Variants in DEPDC5 observed in about 807,000 individuals in gnomAD.
DEPDC5 encodes DEP domain containing 5, GATOR1 subcomplex subunit.
DEPDC5 carries 73 observed loss-of-function variants against 217.3 expected under a neutral mutation model. That is an observed-to-expected ratio of 0.34 (90% CI 0.28 to 0.41). The LOEUF is 0.41. DEPDC5 is among the 10% of genes least tolerant of loss of function. DEPDC5 has a pLI of 1.00. For missense variants in DEPDC5, 1,675 were observed against 2,070.1 expected, an observed-to-expected ratio of 0.81 and a Z score of 3.70; for synonymous variants, 733 against 756.7, an observed-to-expected ratio of 0.97 and a Z score of 0.51.
intron 7 of DEPDC5, among the ~76,000 whole-genome samples, chr22:31,773,384 G>A (rs1354246336): frequency 6.6e-6 from 1 of 151,970 alleles, no homozygotes; most frequent in Non-Finnish European, 1.5e-5. Context: ...TTTCATTATG[G>A]TAGAGACAGG....
chr22:31,821,521 C>G lies in DEPDC5; in HGVS notation c.1890C>G (p.Ile630Met), dbSNP rs2089695727. 6.2e-7 allele frequency: 1 copy of G among 1,614,196 alleles called. No homozygotes were observed. Residue 630 changes from isoleucine to methionine, a missense_variant, in exon 23 of 43, where the codon ATC becomes ATG. Transcript: ENST00000651528. ...GGGTAGGGCCATCCGGAGAAGCCAT[C>G]CAGATCCACCACCAGACCCGACAGA... ...TFPVGPSGEA[I>M]QIHHQTRQNM...
At chr22:31,803,084 T>A (rs182766025) in intron 15 of DEPDC5, among the ~76,000 whole-genome samples, 27 of 152,280 alleles carry the variant, frequency 1.8e-4, no homozygotes, top group Non-Finnish European at 5.9e-5. Context: ...TTTTAATATG[T>A]TAGTGTAGGT....
chr22:31,799,099 A>C (rs906524332), intron 14 of DEPDC5, among the ~76,000 whole-genome samples: 1 of 147,816 alleles, frequency 6.8e-6, no homozygotes, highest in Admixed American at 6.9e-5. Context: ...GCTGGAGTGC[A>C]GTGATGCGAT....
rs775930725 is a variant in DEPDC5, at chr22:31,873,248, G to A, written c.3486-7G>A. ...TTGCTTTGCTGACCTGACACCCTGT[G>A]TTACAGCTCTCAGCAGCTGGTGGCA... On this transcript the variant is annotated splice_region_variant and splice_polypyrimidine_tract_variant and intron_variant, in intron 34 of 42. Transcript: ENST00000651528. 6.2e-7 allele frequency: 1 copy of A among 1,613,994 alleles called. No individual in the cohort carries two copies. The highest frequency in any genetic ancestry group is 1.7e-5 in the Admixed American group (1 of 60,014).
chr22:31,843,377 C>T lies in DEPDC5; in HGVS notation c.2633+165C>T, dbSNP rs16989544. Among the ~76,000 whole-genome samples, 5,466 of 152,150 alleles carry T rather than the reference C, an allele frequency of 0.036. 156 individuals are homozygous for T. Among genetic ancestry groups the T allele is most frequent in the African/African-American group, 0.08 (3,323 of 41,506 alleles). On this transcript the variant is annotated intron_variant, in intron 28 of 42. Coordinates refer to ENST00000651528, the MANE Select transcript of DEPDC5 (RefSeq NM_001242896.3). ...GGGTTATTTTAGGGTTATAGCTTAC[C>T]TACTTCCAAAAGGGATTTGATTCAT...
rs1185538370 is a variant in DEPDC5, at chr22:31,819,083, C to T, written c.1728C>T (p.His576=). Residue 576 remains histidine (H), a synonymous_variant, in exon 22 of 43, where the codon CAC becomes CAT. Coordinates refer to ENST00000651528, the MANE Select transcript of DEPDC5 (RefSeq NM_001242896.3). The stretch of plus-strand genomic sequence containing the variant: ...ACTCCAGTGCACCAGGGAGGTTTCA[C>T]GTTGGCAGTGCAGAATCCATGCTGC... ...QRDSSAPGRF[H]VGSAESMLHV... The T allele has an allele frequency of 3.7e-6, 6 of 1,614,172 alleles. No individual in the cohort carries two copies. The highest frequency in any genetic ancestry group is 4.5e-5 in the East Asian group (2 of 44,886).
chr22:31,819,270 G>GT, intron 22 of DEPDC5, 45 bp downstream of exon 22: 1 of 1,604,444 alleles, frequency 6.2e-7, no homozygotes, highest in Non-Finnish European at 8.5e-7. Flanking sequence ...GGAGCTCCTA[G>GT]CCCTGGTCCT....
intron 8 of DEPDC5, among the ~76,000 whole-genome samples, chr22:31,778,438 A>G (rs1353753825): frequency 2.0e-5 from 3 of 152,094 alleles, no homozygotes; most frequent in East Asian, 1.9e-4. Context: ...GCAGTGGGTC[A>G]TGATTGCATC....
rs1263986332 is a variant in DEPDC5 at position 31,893,768 on chromosome 22, A to G, written c.4203+17A>G. 3 of 1,582,270 alleles carry G rather than the reference A, an allele frequency of 1.9e-6. No homozygotes were observed. The highest frequency in any genetic ancestry group is 2.6e-6 in the Non-Finnish European group (3 of 1,165,692). On this transcript the variant is annotated intron_variant, in intron 39 of 42. Transcript: ENST00000651528. ...TTCGAGATGGTGAGAACCTTCATGC[A>G]TGTTGTCAGGCCTTTGGCTCACCTC...
chr22:31,760,228 C>T (rs551646829), intron 3 of DEPDC5, among the ~76,000 whole-genome samples: 134 of 152,060 alleles, frequency 8.8e-4, no homozygotes, highest in Middle Eastern at 3.4e-3. Context: ...CCACTATGCC[C>T]GGCTAATTTT....
intron 41 of DEPDC5, among the ~76,000 whole-genome samples, chr22:31,905,452 T>A (rs2093739242): frequency 6.6e-6 from 1 of 151,702 alleles, no homozygotes; most frequent in African/African-American, 2.4e-5. Context: ...CACTCCAGTC[T>A]GGGCAACAGT....
At chr22:31,807,106 A>G (rs1209258707) in intron 18 of DEPDC5, among the ~76,000 whole-genome samples, 1 of 152,180 alleles carries the variant, frequency 6.6e-6, no homozygotes, top group Non-Finnish European at 1.5e-5. Flanking sequence ...TATATTAATA[A>G]TTATATCACA....
intron 24 of DEPDC5, among the ~76,000 whole-genome samples, chr22:31,825,443 T>C (rs2090065401): frequency 6.6e-6 from 1 of 152,206 alleles, no homozygotes; most frequent in South Asian, 2.1e-4. Flanking sequence ...AAGCTCTGGC[T>C]CAGCCTTCTC....
intron 24 of DEPDC5, among the ~76,000 whole-genome samples, chr22:31,832,026 G>A (rs1298059198): frequency 2.0e-5 from 3 of 152,214 alleles, no homozygotes; most frequent in Non-Finnish European, 4.4e-5. Flanking sequence ...CATACAGTAT[G>A]TAATTTTTTG....
At chr22:31,831,703 C>T (rs932229169) in intron 24 of DEPDC5, among the ~76,000 whole-genome samples, 1 of 152,172 alleles carries the variant, frequency 6.6e-6, no homozygotes, top group African/African-American at 2.4e-5. Context: ...TTCAGTGATC[C>T]CCCCGCCTCG....
At chr22:31,887,688 G>A (rs756535259) in intron 38 of DEPDC5, among the ~76,000 whole-genome samples, 3 of 152,060 alleles carry the variant, frequency 2.0e-5, no homozygotes, top group African/African-American at 2.4e-5. Flanking sequence ...TTGCCCATCC[G>A]TCTTCCCAAA....
chr22:31,843,338 T>A, intron 28 of DEPDC5, 126 bp downstream of exon 28: 1 of 1,036,322 alleles, frequency 9.6e-7, no homozygotes, highest in Non-Finnish European at 1.4e-6. Flanking sequence ...TGGAGTTTTG[T>A]TTGTTTGTTT....
At chr22:31,777,406 G>A (rs142069106) in intron 7 of DEPDC5, among the ~76,000 whole-genome samples, 3,805 of 150,476 alleles carry the variant, frequency 0.025, 61 homozygotes, top group African/African-American at 0.042. Context: ...GATTACAGGC[G>A]CATGCCACCA....
intron 6 of DEPDC5, 74 bp downstream of exon 6, chr22:31,766,742 G>T (rs775845308): frequency 1.5e-6 from 2 of 1,366,600 alleles, no homozygotes; most frequent in South Asian, 2.5e-5. Flanking sequence ...TATGGGAGAA[G>T]AATATAAAAT....
Sources: allele counts gnomAD v4.1 joint callset (sites outside exome capture counted in the v4.1 genomes callset), GRCh38; gene constraint gnomAD v4.1.1; transcripts MANE v1.5; gene names NCBI Gene and HGNC (gene_info 2026-07-23, HGNC 2026-07-21).